RGL1: variants seen among roughly 807,000 people sequenced by gnomAD.
The protein encoded by RGL1 is ral guanine nucleotide dissociation stimulator like 1.
Under a neutral mutation model 95.2 loss-of-function variants are expected in RGL1, and 24 were observed. The observed-to-expected ratio is 0.25, with a 90% CI of 0.18 to 0.35. The LOEUF (loss-of-function observed/expected upper bound fraction) is 0.35. Ranked by LOEUF, RGL1 falls within the 10% of genes least tolerant of loss-of-function variation. The pLI is 1.00. For missense variants in RGL1, 715 were observed against 936.3 expected, an observed-to-expected ratio of 0.76 and a Z score of 3.08; for synonymous variants, 329 against 344.9, an observed-to-expected ratio of 0.95 and a Z score of 0.51.
intron 2 of RGL1, among the ~76,000 whole-genome samples, chr1:183,833,535 T>C (rs568967552): frequency 1.3e-5 from 2 of 152,334 alleles, no homozygotes; most frequent in African/African-American, 4.8e-5. Context: ...GAAAACCCTT[T>C]AGTGTATTTA....
chr1:183,747,827 A>G (rs915288269), intron 2 of RGL1, among the ~76,000 whole-genome samples: 23 of 152,130 alleles, frequency 1.5e-4, no homozygotes, highest in Non-Finnish European at 2.2e-4. Flanking sequence ...AGGTGTTGGT[A>G]TCAGGGTAAG....
chr1:183,681,172 C>T (rs1446128136), intron 1 of RGL1, among the ~76,000 whole-genome samples: 1 of 152,198 alleles, frequency 6.6e-6, no homozygotes, highest in Non-Finnish European at 1.5e-5. Flanking sequence ...TTATTTCTTT[C>T]TCTTTCCTGA....
At chr1:183,658,253 G>C (rs921835483) in intron 1 of RGL1, among the ~76,000 whole-genome samples, 1 of 152,216 alleles carries the variant, frequency 6.6e-6, no homozygotes, top group Non-Finnish European at 1.5e-5. Flanking sequence ...AGCAGGGCGA[G>C]GCATTGCCTC....
At chr1:183,842,397 A>C (rs1172831129) in intron 2 of RGL1, among the ~76,000 whole-genome samples, 1 of 151,796 alleles carries the variant, frequency 6.6e-6, no homozygotes, top group African/African-American at 2.4e-5. Context: ...AAGGTGAAAG[A>C]GTTTATTTTT....
At chr1:183,636,447 T>G in exon 1 of RGL1, 1 of 337,352 alleles carries the variant, frequency 3.0e-6, no homozygotes, top group Non-Finnish European at 5.3e-6. Flanking sequence ...GGTCAAATCT[T>G]ATCTGTCAGT....
intron 2 of RGL1, among the ~76,000 whole-genome samples, chr1:183,834,115 G>C (rs1663464747): frequency 6.6e-6 from 1 of 151,808 alleles, no homozygotes; most frequent in Admixed American, 6.6e-5. Context: ...TTGTAGAGGA[G>C]GTGCATTTAT....
chr1:183,847,848 C>A, intron 3 of RGL1, 74 bp downstream of exon 3: 1 of 1,080,506 alleles, frequency 9.3e-7, no homozygotes, highest in Non-Finnish European at 1.4e-6. Flanking sequence ...GGTTCTGAAT[C>A]ACCTGCACTT....
intron 2 of RGL1, among the ~76,000 whole-genome samples, chr1:183,831,026 C>CA (rs1663224373): frequency 6.6e-6 from 1 of 152,112 alleles, no homozygotes; most frequent in Non-Finnish European, 1.5e-5. Flanking sequence ...GCACCAGAGA[C>CA]ACAGTGGTGG....
intron 2 of RGL1, among the ~76,000 whole-genome samples, chr1:183,807,863 T>C (rs565086896): frequency 2.6e-5 from 4 of 152,128 alleles, no homozygotes; most frequent in African/African-American, 9.7e-5. Flanking sequence ...GCAGACCTGA[T>C]AGGGAAAGCA....
At chr1:183,867,199 C>A (rs778917700) in intron 4 of RGL1, among the ~76,000 whole-genome samples, 3 of 152,128 alleles carry the variant, frequency 2.0e-5, no homozygotes, top group Non-Finnish European at 4.4e-5. Context: ...AGCTATGAGA[C>A]TGAATGTGGC....
chr1:183,758,025 A>G (rs1434106682), intron 2 of RGL1, among the ~76,000 whole-genome samples: 7 of 152,316 alleles, frequency 4.6e-5, no homozygotes, highest in African/African-American at 1.4e-4. Context: ...TGCAATGCCC[A>G]TGTGAACAAA....
intron 2 of RGL1, among the ~76,000 whole-genome samples, chr1:183,776,217 C>T (rs1278889238): frequency 7.0e-6 from 1 of 143,200 alleles, no homozygotes; most frequent in Non-Finnish European, 1.5e-5. Flanking sequence ...GGCGCGATCT[C>T]GGCTCACTGC....
intron 2 of RGL1, among the ~76,000 whole-genome samples, chr1:183,762,709 A>G (rs1254111066): frequency 6.6e-6 from 1 of 152,226 alleles, no homozygotes; most frequent in Non-Finnish European, 1.5e-5. Context: ...CACACCAGTT[A>G]GAATGACCAT....
chr1:183,721,148 A>T (rs1053708620), intron 1 of RGL1, among the ~76,000 whole-genome samples: 3 of 152,136 alleles, frequency 2.0e-5, no homozygotes, highest in African/African-American at 7.2e-5. Flanking sequence ...TATTATCTGG[A>T]AAAACCACAG....
chr1:183,699,997 G>T (rs976969547), intron 1 of RGL1, among the ~76,000 whole-genome samples: 1 of 152,142 alleles, frequency 6.6e-6, no homozygotes, highest in Non-Finnish European at 1.5e-5. Flanking sequence ...TTGCTGACTG[G>T]ACCATTGTAT....
chr1:183,829,998 A>T (rs372552282), intron 2 of RGL1, among the ~76,000 whole-genome samples: 1 of 152,090 alleles, frequency 6.6e-6, no homozygotes, highest in South Asian at 2.1e-4. Flanking sequence ...CTTCATGAGG[A>T]TAGGGAGTGT....
At chr1:183,823,615 G>GCCTAGAC (rs1283438336) in intron 2 of RGL1, among the ~76,000 whole-genome samples, 5 of 152,124 alleles carry the variant, frequency 3.3e-5, no homozygotes, top group African/African-American at 4.8e-5. Flanking sequence ...ATCTGATTTG[G>GCCTAGAC]ATACATATCT....
chr1:183,686,171 T>TA (rs1459917481), intron 1 of RGL1, among the ~76,000 whole-genome samples: 3 of 152,216 alleles, frequency 2.0e-5, no homozygotes, highest in Non-Finnish European at 4.4e-5. Flanking sequence ...CATTCCTCTT[T>TA]ATTTTATTGC....
At chr1:183,826,001 T>A (rs1425467355) in intron 2 of RGL1, among the ~76,000 whole-genome samples, 1 of 86,764 alleles carries the variant, frequency 1.2e-5, no homozygotes, top group South Asian at 4.2e-4. Context: ...TGTTTCTATT[T>A]TTAAAATCAA....
Sources: allele counts gnomAD v4.1 joint callset (sites outside exome capture counted in the v4.1 genomes callset), GRCh38; gene constraint gnomAD v4.1.1; transcripts MANE v1.5; gene names NCBI Gene and HGNC (gene_info 2026-07-23, HGNC 2026-07-21).